NUDT3: variants seen among roughly 807,000 people sequenced by gnomAD.
The protein encoded by NUDT3 is diphosphoinositol polyphosphate phosphohydrolase 1.
NUDT3 carries 9 observed loss-of-function variants against 23.6 expected under a neutral mutation model. That is an observed-to-expected ratio of 0.38 (90% CI 0.23 to 0.66). NUDT3 has a LOEUF of 0.66. Among genes scored for constraint, NUDT3 ranks in the 30% least tolerant of loss-of-function variants. NUDT3 has a pLI of 0.52. For synonymous variants in NUDT3, 86 were observed against 82.6 expected, an observed-to-expected ratio of 1.04 and a Z score of -0.22; for missense variants, 172 against 218.5, an observed-to-expected ratio of 0.79 and a Z score of 1.34.
intron 1 of NUDT3, among the ~76,000 whole-genome samples, chr6:34,369,492 A>G (rs538330533): frequency 6.6e-6 from 1 of 152,328 alleles, no homozygotes; most frequent in Admixed American, 6.5e-5. Context: ...AGCAAGACAG[A>G]GGAGACGGCT....
rs531831331 is a variant in NUDT3, at chr6:34,292,235, T to C, written c.340+1216A>G. On this transcript the variant is annotated intron_variant, in intron 4 of 4. Transcript: ENST00000607016. ...TTCCTTGAGCACCCTGCATTATTAC[T>C]AGACACAAAGCCATCAAGAGCCAAA... 6.6e-5 allele frequency among the ~76,000 whole-genome samples: 10 copies of C among 152,256 alleles called. No individual in the cohort carries two copies. The East Asian group carries it at 1.9e-3, about 29-fold the overall frequency.
At position 34,295,520 on chromosome 6, in the gene NUDT3, A is replaced by G. The variant is rs1250353790; in HGVS notation, c.255+121T>C. The G allele has an allele frequency of 4.1e-6, 5 of 1,217,644 alleles. No individual in the cohort carries two copies. The Admixed American group carries it at 1.3e-4, about 31-fold the overall frequency. The allele number at this position is 1,217,644 out of a possible 1,614,324, so 75.4% of individuals were successfully genotyped here. ...TGGGCGAGAGTGAGACCTTGTCTCA[A>G]AAAGTTAAAAATAACTAAAAAAAAA... On this transcript the variant is annotated intron_variant, in intron 3 of 4. Transcript: ENST00000607016.
At chr6:34,391,763 A>C (rs1889733) in intron 1 of NUDT3, among the ~76,000 whole-genome samples, 532 of 140,338 alleles carry the variant, frequency 3.8e-3, no homozygotes, top group Admixed American at 5.6e-3. Flanking sequence ...CCCACCCCTC[A>C]GCTTTGGGCT....
chr6:34,381,190 A>T (rs767150142), intron 1 of NUDT3, among the ~76,000 whole-genome samples: 13 of 151,824 alleles, frequency 8.6e-5, no homozygotes, highest in Non-Finnish European at 1.6e-4. Context: ...CTAATTTTTA[A>T]ATTTTTTTAT....
At chr6:34,348,787 A>G (rs752739492) in intron 1 of NUDT3, among the ~76,000 whole-genome samples, 25 of 151,350 alleles carry the variant, frequency 1.7e-4, no homozygotes, top group Non-Finnish European at 3.1e-4. Flanking sequence ...AAAAAAAAAT[A>G]GAAAGAAACA....
rs149173987 is a variant in NUDT3, at chr6:34,338,176, T to C, written c.210+3686A>G. Among the ~76,000 whole-genome samples the C allele has an allele frequency of 4.4e-3, 664 of 152,346 alleles. 5 individuals carry two copies. The highest frequency in any genetic ancestry group is 0.015 in the African/African-American group (630 of 41,582). ...GTCTGACAGGAAAGTGGGAAACCAA[T>C]TCTGCTTCAGAGTAAAGAAAAGCTC... On this transcript the variant is annotated intron_variant, in intron 2 of 4. Transcript: ENST00000607016.
chr6:34,297,147 T>A (rs566971979), intron 2 of NUDT3, among the ~76,000 whole-genome samples: 107 of 152,172 alleles, frequency 7.0e-4, no homozygotes, highest in Admixed American at 1.8e-3. Flanking sequence ...TTAGCCAGGA[T>A]GGTCTCGATC....
At chr6:34,344,030 C>T (rs1234985063) in intron 1 of NUDT3, among the ~76,000 whole-genome samples, 1 of 152,160 alleles carries the variant, frequency 6.6e-6, no homozygotes, top group Non-Finnish European at 1.5e-5. Flanking sequence ...ATCAACCAAA[C>T]AGCATAAGAA....
In NUDT3 at chr6:34,310,090, G is replaced by C. The variant is rs141045193; in HGVS notation, c.211-14405C>G. Among the ~76,000 whole-genome samples the C allele has an allele frequency of 1.2e-3, 183 of 152,194 alleles. 1 individual carries two copies. The East Asian group carries it at 0.013, about 11-fold the overall frequency. On this transcript the variant is annotated intron_variant, in intron 2 of 4. Coordinates refer to ENST00000607016, the MANE Select transcript of NUDT3 (RefSeq NM_006703.4). ...TCTGCAAAAAATAAAAAAATGAGCT[G>C]AGCATAGTGGTCTGTTCATGTAGTC...
chr6:34,347,674 G>A (rs1468264442), intron 1 of NUDT3, among the ~76,000 whole-genome samples: 1 of 152,174 alleles, frequency 6.6e-6, no homozygotes. Flanking sequence ...ACAAATTGTT[G>A]TGGGGTTTTT....
chr6:34,363,422 A>G (rs1004374150), intron 1 of NUDT3, among the ~76,000 whole-genome samples: 1 of 152,364 alleles, frequency 6.6e-6, no homozygotes, highest in Admixed American at 6.5e-5. Flanking sequence ...GGCAGACTTA[A>G]CTGCTCATCC....
At position 34,353,153 on chromosome 6, in the gene NUDT3, C is replaced by T. The variant is rs574738148; in HGVS notation, c.100-11181G>A. Among the ~76,000 whole-genome samples, 134 of 152,238 alleles carry T rather than the reference C, an allele frequency of 8.8e-4. No homozygotes were observed. The South Asian group carries it at 0.01, about 12-fold the overall frequency. On this transcript the variant is annotated intron_variant, in intron 1 of 4. Transcript: ENST00000607016. ...TAAACAAATACATATTTATTCTTTT[C>T]TTTCCCCTTTGTCAACCCCAATAGT...
At chr6:34,306,019 A>T (rs1221605205) in intron 2 of NUDT3, among the ~76,000 whole-genome samples, 1 of 152,230 alleles carries the variant, frequency 6.6e-6, no homozygotes, top group Non-Finnish European at 1.5e-5. Flanking sequence ...CTCTCTCAAC[A>T]TATCTATGTG....
chr6:34,313,922 ACC>A (rs1763818804), intron 2 of NUDT3, among the ~76,000 whole-genome samples: 2 of 150,532 alleles, frequency 1.3e-5, no homozygotes, highest in Admixed American at 1.3e-4. Context: ...ACATGGAGAA[ACC>A]CCGTCTCTAC....
chr6:34,390,957 C>T (rs908561785), intron 1 of NUDT3, among the ~76,000 whole-genome samples: 9 of 152,172 alleles, frequency 5.9e-5, no homozygotes, highest in African/African-American at 2.2e-4. Flanking sequence ...TACAATGCAT[C>T]TGTTTTGGGG....
intron 2 of NUDT3, among the ~76,000 whole-genome samples, chr6:34,313,914 A>G (rs1360821367): frequency 3.3e-5 from 5 of 151,558 alleles, no homozygotes; most frequent in African/African-American, 1.2e-4. Flanking sequence ...CCTGACCAAC[A>G]TGGAGAAACC....
At chr6:34,318,479 C>T (rs73744881) in intron 2 of NUDT3, among the ~76,000 whole-genome samples, 2,424 of 152,082 alleles carry the variant, frequency 0.016, 64 homozygotes, top group African/African-American at 0.056. Flanking sequence ...TTTATTTTAC[C>T]CAGATGGGAT....
At chr6:34,372,163 T>C (rs919047477) in intron 1 of NUDT3, among the ~76,000 whole-genome samples, 1 of 152,210 alleles carries the variant, frequency 6.6e-6, no homozygotes, top group South Asian at 2.1e-4. Context: ...TTTGGGTTGG[T>C]TCCAAGTCTT....
chr6:34,293,336 A>G, intron 4 of NUDT3, 115 bp downstream of exon 4: 1 of 1,225,238 alleles, frequency 8.2e-7, no homozygotes, highest in Admixed American at 1.7e-5. Flanking sequence ...TACTGGGGTT[A>G]TAGGTGTGAG....
Sources: gnomAD v4.1 joint callset for allele counts (sites outside exome capture counted in the v4.1 genomes callset) on GRCh38, gnomAD v4.1.1 for gene constraint, MANE v1.5 for transcripts, NCBI Gene and HGNC (gene_info 2026-07-23, HGNC 2026-07-21) for gene names.